NMNAT2: variants seen among roughly 807,000 people sequenced by gnomAD.
NMNAT2 encodes the protein nicotinamide nucleotide adenylyltransferase 2, also known as nicotinamide/nicotinic acid mononucleotide adenylyltransferase 2.
Under a neutral mutation model 41.6 loss-of-function variants are expected in NMNAT2, and 11 were observed. The ratio of observed to expected loss-of-function variants is 0.26; its 90% CI spans 0.17 to 0.44. The LOEUF (loss-of-function observed/expected upper bound fraction) is 0.44. Among genes scored for constraint, NMNAT2 ranks in the 20% least tolerant of loss-of-function variants. The probability of loss-of-function intolerance (pLI) is 1.00; values close to 1 mark genes in which losing one functional copy is unlikely to be tolerated. For missense variants in NMNAT2, 288 were observed against 407.7 expected, an observed-to-expected ratio of 0.71 and a Z score of 2.53; for synonymous variants, 148 against 151.2, an observed-to-expected ratio of 0.98 and a Z score of 0.16.
chr1:183,273,234 A>G (rs1661029235), intron 8 of NMNAT2, among the ~76,000 whole-genome samples: 1 of 152,250 alleles, frequency 6.6e-6, no homozygotes, highest in African/African-American at 2.4e-5. Flanking sequence ...CTACTCTGGC[A>G]TGGGATGCCG....
intron 1 of NMNAT2, among the ~76,000 whole-genome samples, chr1:183,342,566 C>T (rs1662841565): frequency 6.6e-6 from 1 of 152,104 alleles, no homozygotes; most frequent in Admixed American, 6.5e-5. Flanking sequence ...ACTTACTCTG[C>T]ACACACTTCC....
rs1380178522 is a variant in NMNAT2 at position 183,249,687 on chromosome 1, G to A, written c.*2954C>T. Reference sequence around the variant, plus strand: ...CTAGCAAATGAAGAGTAGGGCGTGTGTGTGTGTGTGTGTGTGTGTGTGTGT... The same window carrying A: ...CTAGCAAATGAAGAGTAGGGCGTGTATGTGTGTGTGTGTGTGTGTGTGTGT... On this transcript the variant is annotated 3_prime_UTR_variant, in exon 11 of 11. Coordinates refer to ENST00000287713, the MANE Select transcript of NMNAT2 (RefSeq NM_015039.4). The A allele has an allele frequency of 4.7e-5, 3 of 63,510 alleles. No homozygotes were observed. Among genetic ancestry groups the A allele is most frequent in the Admixed American group, 3.6e-4 (2 of 5,572 alleles). 3.9% of individuals were successfully genotyped at this position (63,510 alleles called of 1,614,324 possible). A position where few individuals can be genotyped will look rare whatever the true frequency, so the allele number is the denominator to read the frequency against.
chr1:183,295,022 G>A (rs1182177709), intron 1 of NMNAT2, among the ~76,000 whole-genome samples: 3 of 151,818 alleles, frequency 2.0e-5, no homozygotes, highest in Non-Finnish European at 2.9e-5. Flanking sequence ...TTTGTTTTTT[G>A]AGACAAAGTC....
chr1:183,305,203 C>T (rs1456026430), intron 1 of NMNAT2, among the ~76,000 whole-genome samples: 2 of 150,166 alleles, frequency 1.3e-5, no homozygotes, highest in Admixed American at 6.7e-5. Flanking sequence ...AAATATGACA[C>T]GAAACCAAGG....
At chr1:183,389,951 TA>T (rs1444902822) in intron 1 of NMNAT2, among the ~76,000 whole-genome samples, 2 of 151,120 alleles carry the variant, frequency 1.3e-5, no homozygotes, top group Admixed American at 6.6e-5. Flanking sequence ...TCTTTGTCCT[TA>T]AAGTAAACTC....
chr1:183,328,696 C>A (rs1188943604), intron 1 of NMNAT2, among the ~76,000 whole-genome samples: 2 of 152,250 alleles, frequency 1.3e-5, no homozygotes, highest in East Asian at 3.9e-4. Context: ...TCTGCACCAA[C>A]AAACCTTTGC....
chr1:183,287,069 C>T (rs1177469883), intron 4 of NMNAT2, among the ~76,000 whole-genome samples: 1 of 152,042 alleles, frequency 6.6e-6, no homozygotes. Flanking sequence ...TTTCATCGCT[C>T]CTGAACCTCA....
At chr1:183,379,084 A>G (rs1008351274) in intron 1 of NMNAT2, among the ~76,000 whole-genome samples, 1 of 76,250 alleles carries the variant, frequency 1.3e-5, no homozygotes, top group East Asian at 1.2e-3. Context: ...ATCTATATCT[A>G]TATCTATAAT....
At chr1:183,282,883 T>C (rs1661305372) in intron 7 of NMNAT2, 1 of 152,250 alleles carries the variant, frequency 6.6e-6, no homozygotes, top group African/African-American at 2.4e-5. Flanking sequence ...TATTCATTCC[T>C]TTTGTTTTTA....
At chr1:183,280,300 G>A (rs1051649967) in intron 7 of NMNAT2, among the ~76,000 whole-genome samples, 5 of 152,202 alleles carry the variant, frequency 3.3e-5, no homozygotes, top group African/African-American at 1.2e-4. Context: ...AGTTCAGTTA[G>A]ATCAAGCTTG....
chr1:183,352,042 T>C (rs1663069165), intron 1 of NMNAT2, among the ~76,000 whole-genome samples: 1 of 152,096 alleles, frequency 6.6e-6, no homozygotes, highest in South Asian at 2.1e-4. Flanking sequence ...TCAATACTTA[T>C]TTTCCCAGGG....
chr1:183,349,299 G>A (rs1484221885), intron 1 of NMNAT2, among the ~76,000 whole-genome samples: 1 of 152,226 alleles, frequency 6.6e-6, no homozygotes, highest in African/African-American at 2.4e-5. Flanking sequence ...CGCTCTTTCA[G>A]GCAGCCTGGG....
chr1:183,393,882 A>G (rs1648557530), intron 1 of NMNAT2, among the ~76,000 whole-genome samples: 1 of 152,206 alleles, frequency 6.6e-6, no homozygotes, highest in South Asian at 2.1e-4. Flanking sequence ...TCAAAAAAAC[A>G]TTAACTGAGT....
At chr1:183,361,123 C>G (rs767349217) in intron 1 of NMNAT2, among the ~76,000 whole-genome samples, 1 of 152,200 alleles carries the variant, frequency 6.6e-6, no homozygotes, top group East Asian at 1.9e-4. Flanking sequence ...ATGCCAATCA[C>G]TGTTGTAAGC....
At chr1:183,366,025 A>G (rs1224590585) in intron 1 of NMNAT2, among the ~76,000 whole-genome samples, 1 of 152,228 alleles carries the variant, frequency 6.6e-6, no homozygotes, top group Admixed American at 6.5e-5. Flanking sequence ...CATGTATATC[A>G]GATTCCATTC....
At chr1:183,318,656 A>C (rs1165865252) in intron 1 of NMNAT2, among the ~76,000 whole-genome samples, 1 of 152,204 alleles carries the variant, frequency 6.6e-6, no homozygotes. Flanking sequence ...AAAAACCCTC[A>C]GTCCTTCCTG....
intron 1 of NMNAT2, among the ~76,000 whole-genome samples, chr1:183,395,203 G>A (rs2101923530): frequency 2.0e-5 from 3 of 152,242 alleles, no homozygotes; most frequent in Middle Eastern, 6.8e-3. Flanking sequence ...TATATATGCA[G>A]GGGCATGCTT....
In NMNAT2 at chr1:183,348,216, G is replaced by GT. The variant is rs111560366; in HGVS notation, c.86-54424dup. On this transcript the variant is annotated intron_variant, in intron 1 of 10. Transcript: ENST00000287713. ...AACCCAGCAAAGGCATCTTTTAGAGGTTTTTTTTTTCTGGTCCCTTGAATA... is the reference window on the plus strand; with the variant it reads ...AACCCAGCAAAGGCATCTTTTAGAGGTTTTTTTTTTTCTGGTCCCTTGAATA... Among the ~76,000 whole-genome samples, 200 of 149,898 alleles carry GT rather than the reference G, an allele frequency of 1.3e-3. 1 individual carries two copies. The highest frequency in any genetic ancestry group is 4.1e-3 in the African/African-American group (166 of 40,932).
chr1:183,402,279 A>C (rs1179249942), intron 1 of NMNAT2, among the ~76,000 whole-genome samples: 1 of 152,170 alleles, frequency 6.6e-6, no homozygotes, highest in Non-Finnish European at 1.5e-5. Flanking sequence ...TCCTGAACCT[A>C]ACTCAGACTC....
Sources: allele counts gnomAD v4.1 joint callset (sites outside exome capture counted in the v4.1 genomes callset), GRCh38; gene constraint gnomAD v4.1.1; transcripts MANE v1.5; gene names NCBI Gene and HGNC (gene_info 2026-07-23, HGNC 2026-07-21).